Variants in ATG5 observed in about 807,000 individuals in gnomAD.
ATG5 encodes autophagy related 5, also known as autophagy protein 5.
In ATG5, 14 loss-of-function variants were observed where a neutral mutation model predicts 36.5. That is an observed-to-expected ratio of 0.38 (90% CI 0.25 to 0.60). The LOEUF (loss-of-function observed/expected upper bound fraction) is 0.60. Among genes scored for constraint, ATG5 ranks in the 20% least tolerant of loss-of-function variants. ATG5 has a pLI of 0.60. For synonymous variants in ATG5, 95 were observed against 101.5 expected, an observed-to-expected ratio of 0.94 and a Z score of 0.38; for missense variants, 195 against 326.7, an observed-to-expected ratio of 0.60 and a Z score of 3.11.
intron 5 of ATG5, among the ~76,000 whole-genome samples, chr6:106,252,937 C>A (rs1386487215): frequency 6.6e-6 from 1 of 152,204 alleles, no homozygotes; most frequent in Non-Finnish European, 1.5e-5. Flanking sequence ...AAAATCACTA[C>A]AGAAGGGAAC....
intron 5 of ATG5, among the ~76,000 whole-genome samples, chr6:106,265,982 GAATA>G (rs1779213211): frequency 6.7e-6 from 1 of 148,748 alleles, no homozygotes. Context: ...CACAAGACAA[GAATA>G]ATTAAGATCA....
intron 5 of ATG5, among the ~76,000 whole-genome samples, chr6:106,269,696 C>A (rs142809758): frequency 6.6e-6 from 1 of 152,322 alleles, no homozygotes; most frequent in Non-Finnish European, 1.5e-5. Context: ...CCGGCTGCTC[C>A]GAGTGCGGGG....
intron 2 of ATG5, among the ~76,000 whole-genome samples, chr6:106,311,282 A>G (rs1300679079): frequency 1.3e-5 from 2 of 152,260 alleles, no homozygotes; most frequent in African/African-American, 4.8e-5. Flanking sequence ...AAGATACAAA[A>G]AAACAAAATT....
intron 3 of ATG5, among the ~76,000 whole-genome samples, chr6:106,296,305 T>G (rs145123891): frequency 6.6e-6 from 1 of 152,342 alleles, no homozygotes; most frequent in African/African-American, 2.4e-5. Context: ...TTTTAGGGTC[T>G]TAATGATCTT....
chr6:106,243,609 T>A (rs971748365), intron 6 of ATG5, among the ~76,000 whole-genome samples: 1 of 150,322 alleles, frequency 6.7e-6, no homozygotes. Flanking sequence ...GGCAGGTGGT[T>A]CACCTGAGGT....
At chr6:106,261,072 T>C (rs1443711528) in intron 5 of ATG5, among the ~76,000 whole-genome samples, 1 of 152,144 alleles carries the variant, frequency 6.6e-6, no homozygotes, top group African/African-American at 2.4e-5. Flanking sequence ...AATAAAGGAA[T>C]GGAACAGAGA....
At chr6:106,296,435 A>G (rs1769940564) in intron 3 of ATG5, among the ~76,000 whole-genome samples, 2 of 152,212 alleles carry the variant, frequency 1.3e-5, no homozygotes, top group African/African-American at 4.8e-5. Context: ...AAATAACATG[A>G]TGCCTAGAAG....
At chr6:106,297,759 CACACACATAT>C (rs767837645) in intron 3 of ATG5, among the ~76,000 whole-genome samples, 2 of 114,700 alleles carry the variant, frequency 1.7e-5, no homozygotes, top group African/African-American at 3.2e-5. Context: ...CACACACACA[CACACACATAT>C]ATATTTTAAA....
At chr6:106,254,908 T>C (rs1778739924) in intron 5 of ATG5, among the ~76,000 whole-genome samples, 1 of 152,250 alleles carries the variant, frequency 6.6e-6, no homozygotes, top group African/African-American at 2.4e-5. Flanking sequence ...GTTATGCAAT[T>C]GAGCAGCCTT....
chr6:106,226,382 T>TCAA (rs1211374818), intron 6 of ATG5, among the ~76,000 whole-genome samples: 3 of 152,056 alleles, frequency 2.0e-5, no homozygotes, highest in African/African-American at 7.2e-5. Context: ...TATTCAGGTC[T>TCAA]CAACAACAAC....
chr6:106,318,597 A>T (rs1379649931), intron 1 of ATG5, among the ~76,000 whole-genome samples: 1 of 152,166 alleles, frequency 6.6e-6, no homozygotes, highest in East Asian at 1.9e-4. Flanking sequence ...CCCATATACC[A>T]TTGTTGCTTA....
chr6:106,264,525 A>G (rs1295427080), intron 5 of ATG5, among the ~76,000 whole-genome samples: 1 of 152,172 alleles, frequency 6.6e-6, no homozygotes, highest in Non-Finnish European at 1.5e-5. Context: ...GAGCAACCCC[A>G]AGACACATAA....
At chr6:106,231,556 A>G (rs1244704120) in intron 6 of ATG5, among the ~76,000 whole-genome samples, 2 of 151,918 alleles carry the variant, frequency 1.3e-5, no homozygotes, top group Admixed American at 6.6e-5. Context: ...GAGTTATTCA[A>G]TGATGTCCAC....
rs570475520 is a variant in ATG5 at position 106,193,042 on chromosome 6, G to A, written c.692-6366C>T. Among the ~76,000 whole-genome samples the A allele has an allele frequency of 4.6e-5, 7 of 152,230 alleles. No homozygotes were observed. In the South Asian group the frequency reaches 1.0e-3, roughly 22 times the overall value. On this transcript the variant is annotated intron_variant, in intron 7 of 7. Transcript: ENST00000369076. ...ATATAGCCAAAGAAATACATCAAAC[G>A]CTGATTTTAAAAGGGCAATTAATCT...
chr6:106,188,351 A>T (rs1775847328), intron 7 of ATG5, among the ~76,000 whole-genome samples: 1 of 152,164 alleles, frequency 6.6e-6, no homozygotes, highest in Admixed American at 6.5e-5. Context: ...TATTCTCAGA[A>T]TCTTCCTCCT....
chr6:106,219,523 AT>A (rs2114421722), intron 6 of ATG5, among the ~76,000 whole-genome samples: 1 of 152,326 alleles, frequency 6.6e-6, no homozygotes, highest in South Asian at 2.1e-4. Context: ...TAACTACAGT[AT>A]AACAACTATT....
intron 3 of ATG5, among the ~76,000 whole-genome samples, chr6:106,295,759 C>T (rs1769900285): frequency 6.6e-6 from 1 of 151,654 alleles, no homozygotes; most frequent in Non-Finnish European, 1.5e-5. Flanking sequence ...AGATAGTGTC[C>T]AACTATGTTG....
At chr6:106,228,607 C>T (rs1013350948) in intron 6 of ATG5, among the ~76,000 whole-genome samples, 1 of 152,102 alleles carries the variant, frequency 6.6e-6, no homozygotes, top group Non-Finnish European at 1.5e-5. Flanking sequence ...CCACCATCTT[C>T]GGAGTTCTGG....
intron 6 of ATG5, among the ~76,000 whole-genome samples, chr6:106,245,628 C>T (rs1371737038): frequency 6.6e-6 from 1 of 151,930 alleles, no homozygotes; most frequent in Non-Finnish European, 1.5e-5. Context: ...AGTACTCTGT[C>T]TCTCTCTCTC....
Sources: gnomAD v4.1 joint callset for allele counts (sites outside exome capture counted in the v4.1 genomes callset) on GRCh38, gnomAD v4.1.1 for gene constraint, MANE v1.5 for transcripts, NCBI Gene and HGNC (gene_info 2026-07-23, HGNC 2026-07-21) for gene names.